The following MAF variants were observed in gnomAD, a reference collection of about 807,000 sequenced individuals.
The protein encoded by MAF is transcription factor Maf.
A neutral mutation model predicts 22.0 loss-of-function variants in MAF; 10 were observed. That is an observed-to-expected ratio of 0.45 (90% confidence interval 0.28 to 0.77). MAF has a LOEUF of 0.77. Ranked by LOEUF, MAF falls within the 30% of genes least tolerant of loss-of-function variation. MAF has a pLI of 0.12. For synonymous variants in MAF, 337 were observed against 255.8 expected (o/e 1.32, Z -3.03); for missense variants, 544 against 548.4 (o/e 0.99, Z 0.08).
chr16:79,371,028 C>T, the MAF span, among the ~76,000 whole-genome samples: 1 of 152,232 alleles, frequency 6.6e-6, no homozygotes, highest in Non-Finnish European at 1.5e-5. Context: ...AGGCATGGCT[C>T]AGCTGGCTGG....
At chr16:79,519,517 C>G in the MAF span, among the ~76,000 whole-genome samples, 1 of 152,208 alleles carries the variant, frequency 6.6e-6, no homozygotes, top group Non-Finnish European at 1.5e-5. Flanking sequence ...GCAGCATGTT[C>G]TGGCCTCCCT....
At chr16:79,571,444 C>G in the MAF span, among the ~76,000 whole-genome samples, 4,059 of 151,134 alleles carry the variant, frequency 0.027, 189 homozygotes, top group African/African-American at 0.094. Context: ...GCCCAGGGAG[C>G]TTCTAGTGGT....
At chr16:79,419,609 G>C in the MAF span, among the ~76,000 whole-genome samples, 1 of 152,124 alleles carries the variant, frequency 6.6e-6, no homozygotes, top group African/African-American at 2.4e-5. Context: ...GGAAAAACAA[G>C]ATCTGACCCG....
the MAF span, among the ~76,000 whole-genome samples, chr16:79,481,779 C>T: frequency 6.6e-6 from 1 of 152,344 alleles, no homozygotes; most frequent in East Asian, 1.9e-4. Context: ...GCTCCTTCTG[C>T]ATCCCAGACC....
the MAF span, among the ~76,000 whole-genome samples, chr16:79,531,031 C>A: frequency 9.2e-5 from 14 of 152,326 alleles, no homozygotes; most frequent in Admixed American, 7.8e-4. Context: ...CGCCATTCCC[C>A]AAGCTCTAAT....
At chr16:79,398,093 C>T in the MAF span, among the ~76,000 whole-genome samples, 1 of 152,124 alleles carries the variant, frequency 6.6e-6, no homozygotes, top group Non-Finnish European at 1.5e-5. Flanking sequence ...GAATGTGCTT[C>T]CCTGCCTTTT....
At chr16:79,583,815 T>C (rs533717385), downstream of MAF, among the ~76,000 whole-genome samples, 3 of 152,222 alleles carry the variant, frequency 2.0e-5, no homozygotes, top group African/African-American at 7.2e-5. Context: ...GATGGTACCA[T>C]GGAAAAATTT....
chr16:79,368,288 CT>C, the MAF span, among the ~76,000 whole-genome samples: 3 of 152,136 alleles, frequency 2.0e-5, no homozygotes, highest in African/African-American at 7.2e-5. Context: ...GCTCCAGATT[CT>C]ATCTGCTTGA....
chr16:79,598,394 A>G (rs901139523), intron 1 of MAF: 3 of 1,190,700 alleles, frequency 2.5e-6, no homozygotes, highest in Admixed American at 7.7e-5. Context: ...AACGTTTCAC[A>G]TGAAGAACTC....
chr16:79,219,253 T>G, the MAF span, among the ~76,000 whole-genome samples: 1 of 152,176 alleles, frequency 6.6e-6, no homozygotes, highest in Non-Finnish European at 1.5e-5. Context: ...TCCTGTTACT[T>G]TGGAATTGTG....
chr16:79,527,957 C>A, the MAF span, among the ~76,000 whole-genome samples: 1 of 152,088 alleles, frequency 6.6e-6, no homozygotes, highest in African/African-American at 2.4e-5. Flanking sequence ...GCCTGGCCAA[C>A]ATGGCAAAAC....
chr16:79,237,260 C>A, the MAF span, among the ~76,000 whole-genome samples: 1 of 152,142 alleles, frequency 6.6e-6, no homozygotes, highest in Non-Finnish European at 1.5e-5. Flanking sequence ...CAGGGAGCCA[C>A]GGAAACAACT....
the MAF span, among the ~76,000 whole-genome samples, chr16:79,272,915 A>G: frequency 6.6e-6 from 1 of 152,070 alleles, no homozygotes; most frequent in Admixed American, 6.5e-5. Context: ...CTGATCCAAG[A>G]CCCTAAACTT....
the MAF span, among the ~76,000 whole-genome samples, chr16:79,361,236 G>A: frequency 6.6e-6 from 1 of 152,148 alleles, no homozygotes; most frequent in Non-Finnish European, 1.5e-5. Flanking sequence ...TAGGAGAGCT[G>A]AGGGTGTCCA....
At chr16:79,371,222 G>T in the MAF span, among the ~76,000 whole-genome samples, 1 of 152,020 alleles carries the variant, frequency 6.6e-6, no homozygotes, top group South Asian at 2.1e-4. Flanking sequence ...GTGGTCTCAG[G>T]GTAGTTGGCC....
At chr16:79,319,009 T>C in the MAF span, among the ~76,000 whole-genome samples, 1 of 152,220 alleles carries the variant, frequency 6.6e-6, no homozygotes, top group Non-Finnish European at 1.5e-5. Context: ...TTTGCAACTA[T>C]TTATTTCAGC....
chr16:79,342,590 A>T, the MAF span, among the ~76,000 whole-genome samples: 2 of 151,952 alleles, frequency 1.3e-5, no homozygotes, highest in Admixed American at 6.6e-5. Context: ...CACTGTCACC[A>T]TCACCATCAT....
chr16:79,369,812 C>T, the MAF span, among the ~76,000 whole-genome samples: 96 of 152,204 alleles, frequency 6.3e-4, no homozygotes, highest in Non-Finnish European at 1.0e-3. Flanking sequence ...AATCTCAAAT[C>T]GTGAAAACTT....
At chr16:79,403,098 T>C in the MAF span, among the ~76,000 whole-genome samples, 2 of 152,210 alleles carry the variant, frequency 1.3e-5, no homozygotes, top group African/African-American at 2.4e-5. Context: ...GCCAGTTCTC[T>C]TATCTGTGAA....
Sources: gnomAD v4.1 joint callset for allele counts (sites outside exome capture counted in the v4.1 genomes callset) on GRCh38, gnomAD v4.1.1 for gene constraint, MANE v1.5 for transcripts, NCBI Gene and HGNC (gene_info 2026-07-23, HGNC 2026-07-21) for gene names.